ANK2: variants seen among roughly 807,000 people sequenced by gnomAD.
The protein encoded by ANK2 is ankyrin-2.
A neutral mutation model predicts 360.5 loss-of-function variants in ANK2; 83 were observed. The ratio of observed to expected loss-of-function variants is 0.23; its 90% CI spans 0.19 to 0.28. The LOEUF is 0.28. Ranked by LOEUF, ANK2 falls within the 10% of genes least tolerant of loss-of-function variation. ANK2 has a pLI of 1.00. For missense variants in ANK2, 4,201 were observed against 4,795.7 expected (o/e 0.88, Z 3.66); for synonymous variants, 1,740 against 1,759.5 (o/e 0.99, Z 0.28).
chr4:113,001,105 C>T lies in ANK2; in HGVS notation c.21+96591C>T, dbSNP rs189071846. ...ATCCCAGCTCTTTGGGAGGCTGAGG[C>T]GGGTGGATCACCTGTCAGGAATTTG... On this transcript the variant is annotated intron_variant, in intron 2 of 30. Coordinates refer to the ANK2 transcript ENST00000503271. Among the ~76,000 whole-genome samples, 166 of 152,052 alleles carry T rather than the reference C, an allele frequency of 1.1e-3. 2 individuals are homozygous for T. The East Asian group carries it at 0.03, about 28-fold the overall frequency.
At chr4:113,178,824 A>C (rs1252268568) in intron 2 of ANK2, among the ~76,000 whole-genome samples, 1 of 152,160 alleles carries the variant, frequency 6.6e-6, no homozygotes, top group Non-Finnish European at 1.5e-5. Flanking sequence ...CTGGGCCCAC[A>C]GTGGTTAAGT....
intron 7 of ANK2, among the ~76,000 whole-genome samples, chr4:113,238,619 ATTAT>A (rs1176280866): frequency 6.6e-6 from 1 of 152,210 alleles, no homozygotes; most frequent in Non-Finnish European, 1.5e-5. Flanking sequence ...CTTTTTGGTG[ATTAT>A]TTAAGATACA....
chr4:112,914,552 G>A (rs1199043255), intron 2 of ANK2, among the ~76,000 whole-genome samples: 1 of 152,166 alleles, frequency 6.6e-6, no homozygotes. Flanking sequence ...GAACCCAGAG[G>A]AGGATGGCGC....
chr4:112,948,251 A>G (rs1350359854), intron 2 of ANK2, among the ~76,000 whole-genome samples: 1 of 152,144 alleles, frequency 6.6e-6, no homozygotes, highest in African/African-American at 2.4e-5. Flanking sequence ...TGCCTTGCCT[A>G]TTTACAAAAA....
intron 26 of ANK2, among the ~76,000 whole-genome samples, chr4:113,325,073 C>T (rs1465834970): frequency 6.6e-6 from 1 of 152,136 alleles, no homozygotes; most frequent in Non-Finnish European, 1.5e-5. Context: ...CATTGTATCT[C>T]ACAATTTAGA....
intron 1 of ANK2, among the ~76,000 whole-genome samples, chr4:112,899,220 C>G (rs771630199): frequency 2.5e-4 from 38 of 152,092 alleles, no homozygotes; most frequent in Non-Finnish European, 4.6e-4. Context: ...ACTTCTTTAA[C>G]AGAATACAGA....
intron 2 of ANK2, among the ~76,000 whole-genome samples, chr4:113,038,421 G>A (rs1033969555): frequency 6.6e-6 from 1 of 151,918 alleles, no homozygotes; most frequent in African/African-American, 2.4e-5. Flanking sequence ...GAACATTGCA[G>A]TTCTGGCTAG....
chr4:112,718,979 C>T, the ANK2 span, among the ~76,000 whole-genome samples: 1 of 152,190 alleles, frequency 6.6e-6, no homozygotes. Context: ...ATTCTGTTGA[C>T]CATTTCTTCC....
intron 2 of ANK2, among the ~76,000 whole-genome samples, chr4:112,915,761 A>AAAAT (rs1282441635): frequency 2.6e-5 from 4 of 150,982 alleles, no homozygotes; most frequent in Admixed American, 1.3e-4. Flanking sequence ...TTTCAAAAAA[A>AAAAT]AAATAAATAA....
the ANK2 span, among the ~76,000 whole-genome samples, chr4:112,811,216 C>G: frequency 1.3e-5 from 2 of 152,108 alleles, no homozygotes; most frequent in Admixed American, 6.5e-5. Context: ...GGATTACAGG[C>G]GTGAGCCACC....
At chr4:113,294,609 A>G (rs2069988084) in intron 22 of ANK2, among the ~76,000 whole-genome samples, 1 of 152,222 alleles carries the variant, frequency 6.6e-6, no homozygotes, top group South Asian at 2.1e-4. Flanking sequence ...GTGATGGAAT[A>G]CAGTTGGTTT....
chr4:112,815,305 A>G (rs557615452), upstream of ANK2, among the ~76,000 whole-genome samples: 1 of 152,230 alleles, frequency 6.6e-6, no homozygotes, highest in Admixed American at 6.5e-5. Context: ...ATCGAATATC[A>G]TGCACTTTGG....
At chr4:112,839,656 TGTAAA>T (rs1031187699) in intron 1 of ANK2, among the ~76,000 whole-genome samples, 1 of 152,134 alleles carries the variant, frequency 6.6e-6, no homozygotes, top group African/African-American at 2.4e-5. Flanking sequence ...AAAGGTGAAG[TGTAAA>T]GTAAAGGGAA....
the ANK2 span, among the ~76,000 whole-genome samples, chr4:112,799,760 C>T: frequency 7.3e-5 from 11 of 150,730 alleles, no homozygotes; most frequent in Admixed American, 1.3e-4. Flanking sequence ...TCAGGTGATC[C>T]GCCCGCCTCA....
rs77134187 is a variant in ANK2, at chr4:112,877,756, C to T, written c.-39-26699C>T. Among the ~76,000 whole-genome samples the T allele has an allele frequency of 8.7e-3, 1,332 of 152,240 alleles. 14 individuals are homozygous for T. The highest frequency in any genetic ancestry group is 0.03 in the African/African-American group (1,229 of 41,526). Reference sequence around the variant, plus strand: ...AATCTACACTTCTCTTTTTTACTTACTGAACTCCCATTCCCTCCTCACCCA... The same window carrying T: ...AATCTACACTTCTCTTTTTTACTTATTGAACTCCCATTCCCTCCTCACCCA... On this transcript the variant is annotated intron_variant, in intron 1 of 30. Transcript: ENST00000503271.
chr4:113,265,382 C>G (rs2055393325), intron 14 of ANK2, among the ~76,000 whole-genome samples: 1 of 152,150 alleles, frequency 6.6e-6, no homozygotes, highest in South Asian at 2.1e-4. Context: ...TTAAACCAAT[C>G]ACATTTCCAC....
chr4:113,317,996 G>A (rs1395016239), intron 25 of ANK2, among the ~76,000 whole-genome samples, 187 bp downstream of exon 25: 1 of 152,144 alleles, frequency 6.6e-6, no homozygotes, highest in Non-Finnish European at 1.5e-5. Flanking sequence ...TTTTCAATGA[G>A]CAGTGTTTTT....
intron 20 of ANK2, among the ~76,000 whole-genome samples, chr4:113,289,309 G>A (rs1455512624): frequency 6.6e-6 from 1 of 151,514 alleles, no homozygotes; most frequent in Non-Finnish European, 1.5e-5. Flanking sequence ...TAGAACCTGG[G>A]CTCAAGTCAT....
Position 113,248,107 on chromosome 4 carries a change from C to A in ANK2, c.892-1657C>A, listed in dbSNP as rs3025736. On this transcript the variant is annotated intron_variant, in intron 9 of 45. Transcript: ENST00000357077. ...TCTTAGGTACCCAAAACTGCAAAAT[C>A]TGTTTTGGTTATTCAATATCTTCGT... Among the ~76,000 whole-genome samples the A allele has an allele frequency of 5.0e-3, 755 of 152,298 alleles. 3 individuals carry two copies. The highest frequency in any genetic ancestry group is 7.8e-3 in the Non-Finnish European group (534 of 68,028).
Sources: gnomAD v4.1 joint callset for allele counts (sites outside exome capture counted in the v4.1 genomes callset) on GRCh38, gnomAD v4.1.1 for gene constraint, MANE v1.5 for transcripts, NCBI Gene and HGNC (gene_info 2026-07-23, HGNC 2026-07-21) for gene names.